The following CRACD variants were observed in gnomAD, a reference collection of about 807,000 sequenced individuals.
CRACD encodes the protein capping protein-inhibiting regulator of actin dynamics.
A neutral mutation model predicts 106.8 loss-of-function variants in CRACD; 56 were observed. That is an observed-to-expected ratio of 0.52 (90% CI 0.42 to 0.66). The LOEUF (loss-of-function observed/expected upper bound fraction) is 0.66, where lower values mean the gene tolerates loss of function less well. Among genes scored for constraint, CRACD ranks in the 30% least tolerant of loss-of-function variants. CRACD has a pLI of 0.00. For synonymous variants in CRACD, 754 were observed against 670.8 expected, an observed-to-expected ratio of 1.12 and a Z score of -1.92; for missense variants, 1,730 against 1,623.2, an observed-to-expected ratio of 1.07 and a Z score of -1.13.
At chr4:56,286,576 A>T (rs887226181) in intron 3 of CRACD, among the ~76,000 whole-genome samples, 6 of 148,614 alleles carry the variant, frequency 4.0e-5, no homozygotes, top group African/African-American at 1.5e-4. Context: ...GAGAAAGCTG[A>T]ATTGGAAAAG....
intron 2 of CRACD, among the ~76,000 whole-genome samples, chr4:56,213,508 G>C (rs1212262648): frequency 6.6e-6 from 1 of 152,094 alleles, no homozygotes; most frequent in Non-Finnish European, 1.5e-5. Flanking sequence ...TTGAATCTGG[G>C]ATCACCTCCA....
At chr4:56,295,124 A>G (rs1227457930) in intron 3 of CRACD, among the ~76,000 whole-genome samples, 10 of 152,044 alleles carry the variant, frequency 6.6e-5, no homozygotes, top group Non-Finnish European at 1.3e-4. Context: ...ACAGACAAGT[A>G]GACCAGTGGA....
chr4:56,091,547 C>T (rs1023387598), intron 1 of CRACD, among the ~76,000 whole-genome samples: 1 of 152,072 alleles, frequency 6.6e-6, no homozygotes, highest in African/African-American at 2.4e-5. Flanking sequence ...TTAGAATCAA[C>T]TCATTTGTTC....
chr4:56,252,174 T>A (rs190150264), intron 2 of CRACD, among the ~76,000 whole-genome samples: 23 of 152,276 alleles, frequency 1.5e-4, no homozygotes, highest in Non-Finnish European at 3.2e-4. Flanking sequence ...GCCTTAAGAT[T>A]CCTCTTAGTC....
intron 3 of CRACD, among the ~76,000 whole-genome samples, chr4:56,287,246 T>C (rs1021646428): frequency 9.2e-5 from 14 of 151,868 alleles, no homozygotes; most frequent in African/African-American, 3.1e-4. Flanking sequence ...CGCTTCAGCC[T>C]CCTGAGTAGC....
intron 3 of CRACD, among the ~76,000 whole-genome samples, chr4:56,273,265 A>G (rs897149121): frequency 6.6e-6 from 1 of 151,978 alleles, no homozygotes; most frequent in Admixed American, 6.6e-5. Context: ...GAGCCTGTTT[A>G]TGATGGAGCT....
chr4:56,124,961 T>C (rs1375123267), intron 1 of CRACD, among the ~76,000 whole-genome samples: 1 of 152,214 alleles, frequency 6.6e-6, no homozygotes, highest in Non-Finnish European at 1.5e-5. Flanking sequence ...TGAGTGTATA[T>C]TTAATGATAT....
chr4:56,223,466 G>A (rs376156590), intron 2 of CRACD, among the ~76,000 whole-genome samples: 10 of 152,076 alleles, frequency 6.6e-5, no homozygotes, highest in African/African-American at 2.2e-4. Flanking sequence ...CATTTTTGTG[G>A]GTCTTCTAGT....
intron 2 of CRACD, among the ~76,000 whole-genome samples, chr4:56,223,573 G>A (rs1739157982): frequency 6.6e-6 from 1 of 152,072 alleles, no homozygotes; most frequent in African/African-American, 2.4e-5. Context: ...TTCTTTTCCA[G>A]TTGGCTGTCC....
In CRACD at chr4:56,107,719, G is replaced by A. The variant is rs1290593008; in HGVS notation, c.-336+58420G>A. Among the ~76,000 whole-genome samples the A allele has an allele frequency of 7.9e-5, 12 of 152,258 alleles. No homozygotes were observed. The East Asian group carries it at 2.1e-3, about 27-fold the overall frequency. On this transcript the variant is annotated intron_variant, in intron 1 of 10. Transcript: ENST00000682029. ...ACCTTAGGGAAGGAGAGTGCACTTG[G>A]TTGTCCTGGCTGAGATGGGCATTTA...
At chr4:56,228,064 C>G (rs901951433) in intron 2 of CRACD, among the ~76,000 whole-genome samples, 2 of 152,158 alleles carry the variant, frequency 1.3e-5, no homozygotes, top group Non-Finnish European at 2.9e-5. Flanking sequence ...GTCCTAGGCC[C>G]CTACCCTGTC....
chr4:56,132,912 C>T (rs1281866453), intron 1 of CRACD, among the ~76,000 whole-genome samples: 6 of 152,310 alleles, frequency 3.9e-5, no homozygotes, highest in Non-Finnish European at 7.3e-5. Context: ...TATAGTGCTA[C>T]TTAGCTATTG....
intron 8 of CRACD, 52 bp from the exon 9 acceptor site, chr4:56,323,325 T>A: frequency 6.8e-7 from 1 of 1,475,358 alleles, no homozygotes; most frequent in Non-Finnish European, 9.3e-7. Flanking sequence ...GGAACTGAGG[T>A]AAGTCCGCAG....
intron 2 of CRACD, among the ~76,000 whole-genome samples, chr4:56,222,317 C>T (rs983642125): frequency 1.4e-4 from 21 of 152,086 alleles, no homozygotes; most frequent in African/African-American, 5.1e-4. Context: ...TGTATGTTCT[C>T]ACAAGTGGGA....
At chr4:56,262,218 G>A (rs1741749008) in intron 2 of CRACD, among the ~76,000 whole-genome samples, 1 of 152,210 alleles carries the variant, frequency 6.6e-6, no homozygotes, top group Non-Finnish European at 1.5e-5. Context: ...TGGAAGGAGA[G>A]TCATCTGAAA....
chr4:56,273,672 GCC>G (rs1174139956), intron 3 of CRACD, among the ~76,000 whole-genome samples: 14 of 152,268 alleles, frequency 9.2e-5, no homozygotes, highest in African/African-American at 3.4e-4. Flanking sequence ...AGCATTGTGT[GCC>G]TGGTTTCAGC....
chr4:56,222,490 A>G (rs1739097621), intron 2 of CRACD, among the ~76,000 whole-genome samples: 1 of 152,232 alleles, frequency 6.6e-6, no homozygotes, highest in Non-Finnish European at 1.5e-5. Context: ...TCACCACTAT[A>G]TAATACATCC....
chr4:56,116,932 T>A (rs1162378697), intron 1 of CRACD, among the ~76,000 whole-genome samples: 1 of 150,636 alleles, frequency 6.6e-6, no homozygotes, highest in Admixed American at 6.6e-5. Context: ...GGTCTCGAAC[T>A]CTTGATCTCA....
chr4:56,225,209 A>G (rs781691749), intron 2 of CRACD, among the ~76,000 whole-genome samples: 22 of 152,188 alleles, frequency 1.4e-4, no homozygotes, highest in Non-Finnish European at 1.8e-4. Context: ...CTCCTGCCTC[A>G]GCCTCCCGGA....
Sources: gnomAD v4.1 joint callset for allele counts (sites outside exome capture counted in the v4.1 genomes callset) on GRCh38, gnomAD v4.1.1 for gene constraint, MANE v1.5 for transcripts, NCBI Gene and HGNC (gene_info 2026-07-23, HGNC 2026-07-21) for gene names.